Variants in TMCO6 observed in about 807,000 individuals in gnomAD.
TMCO6 encodes the protein transmembrane and coiled-coil domains 6.
Under a neutral mutation model 61.8 loss-of-function variants are expected in TMCO6, and 47 were observed. The observed-to-expected ratio is 0.76, with a 90% CI of 0.60 to 0.97. TMCO6 has a LOEUF of 0.97. Ranked by LOEUF, TMCO6 falls within the 50% of genes least tolerant of loss-of-function variation. The pLI, the probability that TMCO6 is intolerant of heterozygous loss-of-function variation, is 0.00. For missense variants in TMCO6, 557 were observed against 601.6 expected (o/e 0.93, Z 0.78); for synonymous variants, 261 against 254.2 (o/e 1.03, Z -0.25).
At chr5:140,610,057 G>A in the TMCO6 span, among the ~76,000 whole-genome samples, 2 of 151,146 alleles carry the variant, frequency 1.3e-5, no homozygotes, top group Non-Finnish European at 3.0e-5. Flanking sequence ...TTTAAGTTTT[G>A]GTAGGAACAG....
chr5:140,618,453 G>A, the TMCO6 span, among the ~76,000 whole-genome samples: 1 of 151,790 alleles, frequency 6.6e-6, no homozygotes, highest in Non-Finnish European at 1.5e-5. Context: ...AAGGAGCAAA[G>A]ACAATACAAT....
At chr5:140,632,663 T>C in the TMCO6 span, 1 of 1,613,776 alleles carries the variant, frequency 6.2e-7, no homozygotes, top group Non-Finnish European at 8.5e-7. This position sits in a 1 kb window ranked among gnomAD's most constrained non-coding sequence, Gnocchi z 6.2. Flanking sequence ...GCAGGGCGCC[T>C]ACCAGTAGCT....
chr5:140,606,682 T>G, the TMCO6 span, among the ~76,000 whole-genome samples: 1 of 152,126 alleles, frequency 6.6e-6, no homozygotes, highest in Admixed American at 6.6e-5. Context: ...ATCCTAGCAC[T>G]TTGGGAGGCC....
chr5:140,628,405 A>C, the TMCO6 span, among the ~76,000 whole-genome samples: 1 of 151,772 alleles, frequency 6.6e-6, no homozygotes, highest in East Asian at 1.9e-4. Context: ...TCTGATTTGA[A>C]TGCCTCTGAC....
the TMCO6 span, among the ~76,000 whole-genome samples, chr5:140,613,386 T>TAAAAAA: frequency 1.5e-4 from 13 of 87,434 alleles, no homozygotes; most frequent in African/African-American, 3.1e-4. Flanking sequence ...AGACTCTGAC[T>TAAAAAA]AAAAAAAAAA....
the TMCO6 span, among the ~76,000 whole-genome samples, chr5:140,598,430 C>T: frequency 6.6e-6 from 1 of 152,142 alleles, no homozygotes; most frequent in Non-Finnish European, 1.5e-5. Flanking sequence ...TAAACTGCTA[C>T]TCTGAGGATG....
At chr5:140,634,844 G>A (rs5744449), upstream of TMCO6, among the ~76,000 whole-genome samples, 1,166 of 151,840 alleles carry the variant, frequency 7.7e-3, 14 homozygotes, top group African/African-American at 0.027. Flanking sequence ...CAGGCTGGGC[G>A]CGATCTCAGC....
At chr5:140,623,141 T>TGAGAAA in the TMCO6 span, among the ~76,000 whole-genome samples, 2 of 152,218 alleles carry the variant, frequency 1.3e-5, no homozygotes, top group Admixed American at 6.5e-5. Context: ...CAGTTCCCCT[T>TGAGAAA]GAGAAAGAGA....
chr5:140,632,119 C>G, the TMCO6 span: 2 of 1,614,208 alleles, frequency 1.2e-6, no homozygotes, highest in South Asian at 1.1e-5. The surrounding 1 kb of genome is among the most constrained non-coding windows in gnomAD (Gnocchi z 6.2). Flanking sequence ...GGCACCTGTT[C>G]CAGCCCAGCG....
At chr5:140,613,386 T>TAAAAAAAAAAAAAA in the TMCO6 span, among the ~76,000 whole-genome samples, 8 of 87,436 alleles carry the variant, frequency 9.1e-5, no homozygotes, top group African/African-American at 4.2e-4. Context: ...AGACTCTGAC[T>TAAAAAAAAAAAAAA]AAAAAAAAAA....
At chr5:140,639,431 C>T, upstream of TMCO6, 1 of 1,316,498 alleles carries the variant, frequency 7.6e-7, no homozygotes. Flanking sequence ...CCGCCTGTTC[C>T]CGCCCTGTGC....
rs1304069453 is a variant in TMCO6 at position 140,642,990 on chromosome 5, AC to A, written c.758del (p.Pro253LeufsTer63). 5 of 1,614,030 alleles carry A rather than the reference AC, an allele frequency of 3.1e-6. No homozygotes were observed. The highest frequency in any genetic ancestry group is 3.4e-6 in the Non-Finnish European group (4 of 1,180,030). On this transcript the variant is annotated frameshift_variant, in exon 7 of 12. Coordinates refer to ENST00000394671, the MANE Select transcript of TMCO6 (RefSeq NM_018502.5). LOFTEE classifies it high-confidence loss of function. ...LQMLQPGPKL[N>X]PGVAVEFAWC... is the part of the protein sequence containing the mutation. ...ATGTTGCAACCTGGCCCAAAGCTCA[AC>A]CCTGGGGTCGCTGTGGAGTTTGCCT...
the TMCO6 span, among the ~76,000 whole-genome samples, chr5:140,623,738 A>T: frequency 6.6e-6 from 1 of 152,156 alleles, no homozygotes; most frequent in South Asian, 2.1e-4. Flanking sequence ...TTGAATTTTT[A>T]TACTTAAAAC....
chr5:140,603,781 T>C, the TMCO6 span, among the ~76,000 whole-genome samples: 5 of 152,362 alleles, frequency 3.3e-5, no homozygotes, highest in Non-Finnish European at 7.3e-5. Context: ...TCGGTTATTA[T>C]GAATACTGCT....
At chr5:140,630,918 T>C in the TMCO6 span, among the ~76,000 whole-genome samples, 1 of 152,230 alleles carries the variant, frequency 6.6e-6, no homozygotes, top group African/African-American at 2.4e-5. Context: ...TGGATGTGGC[T>C]GCCTCCTCAT....
At chr5:140,612,085 G>T in the TMCO6 span, among the ~76,000 whole-genome samples, 1 of 152,128 alleles carries the variant, frequency 6.6e-6, no homozygotes, top group South Asian at 2.1e-4. Flanking sequence ...GATTCCAGAT[G>T]ACAGAGCAGG....
the TMCO6 span, chr5:140,632,321 G>A: frequency 6.2e-7 from 1 of 1,613,930 alleles, no homozygotes; most frequent in African/African-American, 1.3e-5. This position sits in a 1 kb window ranked among gnomAD's most constrained non-coding sequence, Gnocchi z 6.2. Context: ...GGATGGCCGG[G>A]AACTTGTGGG....
At chr5:140,639,376 G>A (rs1756867077), upstream of TMCO6, 2 of 722,090 alleles carry the variant, frequency 2.8e-6, no homozygotes, top group Admixed American at 2.7e-5. Flanking sequence ...TCCACTCGCC[G>A]AGCCCCGCCC....
intron 2 of TMCO6, 99 bp downstream of exon 2, chr5:140,639,950 T>G: frequency 7.1e-6 from 7 of 988,900 alleles, no homozygotes; most frequent in Non-Finnish European, 1.1e-5. Context: ...CAATCCACTC[T>G]ACACTTCCAC....
Sources: gnomAD v4.1 joint callset for allele counts (sites outside exome capture counted in the v4.1 genomes callset) on GRCh38, gnomAD v4.1.1 for gene constraint, Gnocchi (gnomAD v3.1) non-coding constraint, MANE v1.5 for transcripts, NCBI Gene and HGNC (gene_info 2026-07-23, HGNC 2026-07-21) for gene names.